The following MCMBP variants were observed in gnomAD, a reference collection of about 807,000 sequenced individuals.
MCMBP encodes mini-chromosome maintenance complex-binding protein.
A neutral mutation model predicts 81.3 loss-of-function variants in MCMBP; 31 were observed. The ratio of observed to expected loss-of-function variants is 0.38; its 90% CI spans 0.29 to 0.51. The LOEUF (loss-of-function observed/expected upper bound fraction) is 0.51, where lower values mean the gene tolerates loss of function less well. MCMBP is among the 20% of genes least tolerant of loss of function. MCMBP has a pLI of 0.87. For synonymous variants in MCMBP, 267 were observed against 275.9 expected (o/e 0.97, Z 0.32); for missense variants, 645 against 772.1 (o/e 0.84, Z 1.95).
Position 119,831,049 on chromosome 10 carries a change from A to G in MCMBP, c.*425T>C, listed in dbSNP as rs1852014565. 6.5e-6 allele frequency: 1 copy of G among 154,948 alleles called. No homozygotes were observed. The highest frequency in any genetic ancestry group is 1.4e-5 in the Non-Finnish European group (1 of 70,204). The allele number at this position is 154,948 out of a possible 1,614,324, so 9.6% of individuals were successfully genotyped here. ...ACTGAATGCACCCCAACCCACTGTGAACTGGAAAAACAGAGAACTAGAAAA... is the reference window on the plus strand; with the variant it reads ...ACTGAATGCACCCCAACCCACTGTGGACTGGAAAAACAGAGAACTAGAAAA... On this transcript the variant is annotated 3_prime_UTR_variant, in exon 16 of 16. Coordinates refer to ENST00000369077, the MANE Select transcript of MCMBP (RefSeq NM_001256378.2).
intron 1 of MCMBP, among the ~76,000 whole-genome samples, chr10:119,867,292 CAAAAAAAAAAAAAA>C (rs372338008): frequency 1.8e-4 from 9 of 48,732 alleles, no homozygotes; most frequent in East Asian, 7.5e-4. Context: ...GACTCCATCT[CAAAAAAAAAAAAAA>C]AAAAAAAAAA....
chr10:119,849,310 C>A, intron 7 of MCMBP, 115 bp downstream of exon 7: 1 of 1,071,962 alleles, frequency 9.3e-7, no homozygotes, highest in Non-Finnish European at 1.3e-6. Flanking sequence ...ATTAAATTTG[C>A]AGTGATTTGC....
In MCMBP at chr10:119,844,743, A is replaced by AATT. The variant is rs1392820730; in HGVS notation, c.828-1318_828-1317insAAT. On this transcript the variant is annotated intron_variant, in intron 8 of 15. Transcript: ENST00000369077. The stretch of plus-strand genomic sequence containing the variant: ...GCAGCATCTAATCAGCTGCCAGCAT[A>AATT]AAGGCAGGCATGTAAAGAGCAGACT... 3.9e-5 allele frequency among the ~76,000 whole-genome samples: 6 copies of AATT among 152,196 alleles called. No homozygotes were observed. In the East Asian group the frequency reaches 9.6e-4, roughly 24 times the overall value.
intron 7 of MCMBP, among the ~76,000 whole-genome samples, chr10:119,849,203 A>G (rs1190521307): frequency 1.3e-5 from 2 of 152,188 alleles, no homozygotes; most frequent in Non-Finnish European, 2.9e-5. Flanking sequence ...CGAGAAAGGA[A>G]TGTAGCCCTG....
At chr10:119,839,931 A>C (rs1279407347) in intron 11 of MCMBP, among the ~76,000 whole-genome samples, 1 of 152,218 alleles carries the variant, frequency 6.6e-6, no homozygotes, top group Non-Finnish European at 1.5e-5. Context: ...CTGAAGGCAG[A>C]AGCAGATACA....
In MCMBP at chr10:119,836,993, G is replaced by A. The variant is rs576296874; in HGVS notation, c.1445C>T (p.Thr482Met). The A allele has an allele frequency of 1.2e-5, 20 of 1,613,522 alleles. No individual in the cohort carries two copies. In the South Asian group the frequency reaches 1.3e-4, roughly 11 times the overall value. Residue 482 changes from threonine (T) to methionine (M), a missense_variant, in exon 13 of 16, where the codon ACG becomes ATG. Thr to Met is a moderately conservative substitution (Grantham distance 81). Coordinates refer to ENST00000369077, the MANE Select transcript of MCMBP (RefSeq NM_001256378.2). ...GAAGTCATAATCCACCTTCTGCCACGTTATGAGGTTGCTCAGGGCTGTCAC... is the reference window on the plus strand; with the variant it reads ...GAAGTCATAATCCACCTTCTGCCACATTATGAGGTTGCTCAGGGCTGTCAC... ...HNVTALSNLI[T>M]WQKVDYDFSY...
chr10:119,859,707 T>C, intron 2 of MCMBP, 92 bp downstream of exon 2: 1 of 773,756 alleles, frequency 1.3e-6, no homozygotes. Flanking sequence ...ATTTACATAT[T>C]TTTAAATTAC....
intron 7 of MCMBP, 152 bp downstream of exon 7, chr10:119,849,273 G>T: frequency 1.4e-6 from 1 of 724,842 alleles, no homozygotes; most frequent in Non-Finnish European, 2.1e-6. Flanking sequence ...AAGCCTGTAA[G>T]ATGATAAACT....
intron 8 of MCMBP, among the ~76,000 whole-genome samples, chr10:119,844,519 G>A (rs1852551437): frequency 6.6e-6 from 1 of 152,176 alleles, no homozygotes; most frequent in Non-Finnish European, 1.5e-5. Context: ...TAGCTAGTAA[G>A]TGGCCAAGTC....
chr10:119,867,377 GA>G (rs1188947150), intron 1 of MCMBP, among the ~76,000 whole-genome samples: 2 of 146,384 alleles, frequency 1.4e-5, no homozygotes, highest in African/African-American at 5.0e-5. Flanking sequence ...CCATCATGTT[GA>G]TTTTTTTTAA....
At chr10:119,863,997 A>C (rs1853358822) in intron 1 of MCMBP, among the ~76,000 whole-genome samples, 1 of 148,772 alleles carries the variant, frequency 6.7e-6, no homozygotes, top group Admixed American at 6.7e-5. Context: ...GTTAATAATC[A>C]GTTGAACTTA....
intron 13 of MCMBP, 152 bp downstream of exon 13, chr10:119,836,744 A>C (rs1449176590): frequency 1.4e-6 from 1 of 705,580 alleles, no homozygotes; most frequent in African/African-American, 2.0e-5. Context: ...TCCCTTAATG[A>C]TCAGCAGTCA....
intron 6 of MCMBP, among the ~76,000 whole-genome samples, chr10:119,850,839 T>G (rs567405963): frequency 6.7e-6 from 1 of 148,916 alleles, no homozygotes; most frequent in East Asian, 2.0e-4. Flanking sequence ...GTATTACCAC[T>G]GGGGGAAGTA....
intron 4 of MCMBP, 112 bp downstream of exon 4, chr10:119,858,772 G>C: frequency 1.2e-6 from 1 of 833,974 alleles, no homozygotes; most frequent in South Asian, 1.9e-5. Context: ...CATTTCACAT[G>C]ATTTCTTGTA....
chr10:119,835,478 T>C (rs1021088913), intron 14 of MCMBP, 62 bp downstream of exon 14: 2 of 1,393,128 alleles, frequency 1.4e-6, no homozygotes. Context: ...TTATGGTAAA[T>C]GTAAATTGGT....
At chr10:119,834,663 A>AAC (rs139712919) in intron 14 of MCMBP, among the ~76,000 whole-genome samples, 1 of 150,990 alleles carries the variant, frequency 6.6e-6, no homozygotes, top group Non-Finnish European at 1.5e-5. Flanking sequence ...CACACACACA[A>AAC]ACACACACAC....
At chr10:119,845,405 T>C (rs905605330) in intron 8 of MCMBP, among the ~76,000 whole-genome samples, 1 of 152,110 alleles carries the variant, frequency 6.6e-6, no homozygotes, top group Non-Finnish European at 1.5e-5. Context: ...TTCCAAGATA[T>C]GTTGTTAATA....
At position 119,847,727 on chromosome 10, in the gene MCMBP, A is replaced by C. The variant is rs772014697; in HGVS notation, c.727-14T>G. The C allele has an allele frequency of 7.0e-7, 1 of 1,436,476 alleles. No individual in the cohort carries two copies. The highest frequency in any genetic ancestry group is 2.3e-5 in the East Asian group (1 of 43,952). The allele number at this position is 1,436,476 out of a possible 1,614,324, so 89.0% of individuals were successfully genotyped here. A position where few individuals can be genotyped will look rare whatever the true frequency, so the allele number is the denominator to read the frequency against. On this transcript the variant is annotated splice_polypyrimidine_tract_variant and intron_variant, in intron 7 of 15. Transcript: ENST00000369077. ...ATCTTCATAAACCTAACAAGAGACC[A>C]CATGAAATCACACTGTTAGAACAGA...
At chr10:119,844,476 AT>A (rs1852550323) in intron 8 of MCMBP, among the ~76,000 whole-genome samples, 1 of 152,206 alleles carries the variant, frequency 6.6e-6, no homozygotes, top group Non-Finnish European at 1.5e-5. Context: ...ATCTACCCTT[AT>A]TTACAATGAG....
Sources: allele counts gnomAD v4.1 joint callset (sites outside exome capture counted in the v4.1 genomes callset), GRCh38; gene constraint gnomAD v4.1.1; transcripts MANE v1.5; gene names NCBI Gene and HGNC (gene_info 2026-07-23, HGNC 2026-07-21).